PLPPR5: variants seen among roughly 807,000 people sequenced by gnomAD.
PLPPR5 encodes the protein phospholipid phosphatase-related protein type 5.
PLPPR5 carries 16 observed loss-of-function variants against 33.9 expected under a neutral mutation model. That is an observed-to-expected ratio of 0.47 (90% CI 0.32 to 0.72). The LOEUF is 0.72. Among genes scored for constraint, PLPPR5 ranks in the 30% least tolerant of loss-of-function variants. The pLI is 0.03. For missense variants in PLPPR5, 301 were observed against 406.7 expected (o/e 0.74, Z 2.23); for synonymous variants, 163 against 150.3 (o/e 1.08, Z -0.62).
chr1:99,003,319 C>T (rs1358645904), intron 1 of PLPPR5, among the ~76,000 whole-genome samples: 1 of 151,534 alleles, frequency 6.6e-6, no homozygotes, highest in South Asian at 2.1e-4. Context: ...AACATCCAAA[C>T]TTAATGGATT....
At chr1:98,999,442 G>C (rs1652747741) in intron 1 of PLPPR5, among the ~76,000 whole-genome samples, 1 of 152,212 alleles carries the variant, frequency 6.6e-6, no homozygotes, top group Non-Finnish European at 1.5e-5. Flanking sequence ...TCCAGAGTCT[G>C]TGATCTTAAC....
At chr1:98,912,034 G>A (rs1000591437) in intron 5 of PLPPR5, among the ~76,000 whole-genome samples, 2 of 152,118 alleles carry the variant, frequency 1.3e-5, no homozygotes, top group East Asian at 1.9e-4. Context: ...CTCCCAAAGC[G>A]CTGGGATTAC....
intron 3 of PLPPR5, among the ~76,000 whole-genome samples, chr1:98,951,654 C>T (rs1401881610): frequency 2.6e-5 from 4 of 152,146 alleles, no homozygotes; most frequent in Non-Finnish European, 2.9e-5. Flanking sequence ...GTAAATGTTA[C>T]GTGTAATGCT....
chr1:98,978,151 C>A (rs902159476), intron 1 of PLPPR5, among the ~76,000 whole-genome samples: 28 of 151,976 alleles, frequency 1.8e-4, no homozygotes, highest in African/African-American at 6.3e-4. Flanking sequence ...TTGACTCTAT[C>A]TTTGTATCAC....
intron 3 of PLPPR5, among the ~76,000 whole-genome samples, chr1:98,951,015 T>C (rs1168744273): frequency 3.3e-5 from 5 of 152,162 alleles, no homozygotes; most frequent in Non-Finnish European, 2.9e-5. Flanking sequence ...GAATCTAATG[T>C]CTATTAGTAT....
intron 1 of PLPPR5, among the ~76,000 whole-genome samples, chr1:98,998,218 C>A (rs1266014346): frequency 6.6e-6 from 1 of 152,162 alleles, no homozygotes; most frequent in Non-Finnish European, 1.5e-5. Flanking sequence ...GAAGGAGTCA[C>A]TGCACCCCCA....
chr1:98,923,841 G>A (rs1170121821), intron 3 of PLPPR5, among the ~76,000 whole-genome samples: 1 of 152,224 alleles, frequency 6.6e-6, no homozygotes, highest in East Asian at 1.9e-4. Context: ...CTGAGAGAAT[G>A]TGTTAAAGAG....
chr1:98,990,089 A>C (rs930879495), intron 1 of PLPPR5, among the ~76,000 whole-genome samples: 1 of 152,168 alleles, frequency 6.6e-6, no homozygotes, highest in Non-Finnish European at 1.5e-5. Context: ...TTGATAAAGA[A>C]AGAGCAGGCC....
chr1:98,951,847 T>C (rs112272509), intron 3 of PLPPR5, among the ~76,000 whole-genome samples: 2,356 of 152,304 alleles, frequency 0.015, 18 homozygotes, highest in African/African-American at 0.018. Context: ...TCCAAGTCAT[T>C]AGAAATAATC....
intron 1 of PLPPR5, among the ~76,000 whole-genome samples, chr1:98,999,617 G>A (rs1652752624): frequency 6.6e-6 from 1 of 152,206 alleles, no homozygotes; most frequent in South Asian, 2.1e-4. Context: ...CCACACCACG[G>A]GAATGTTCCA....
rs140005297 is a variant in PLPPR5, at chr1:98,914,687, A to T, written c.933+99T>A. 518 of 1,092,248 alleles carry T rather than the reference A, an allele frequency of 4.7e-4. 2 individuals are homozygous for T. In the African/African-American group the frequency reaches 6.6e-3, roughly 14 times the overall value. 67.7% of individuals were successfully genotyped at this position (1,092,248 alleles called of 1,614,324 possible). A position where few individuals can be genotyped will look rare whatever the true frequency, so the allele number is the denominator to read the frequency against. On this transcript the variant is annotated intron_variant, in intron 5 of 5. Coordinates refer to ENST00000263177, the MANE Select transcript of PLPPR5 (RefSeq NM_001037317.2). ...GCTAAATATCACATTACACTAAGTA[A>T]ATCAACATAAACTGTGTGGACATGC... is the stretch of plus-strand genomic sequence containing the variant.
At chr1:99,001,679 T>TATATATATATAG in intron 1 of PLPPR5, among the ~76,000 whole-genome samples, 1 of 140,616 alleles carries the variant, frequency 7.1e-6, no homozygotes, top group Non-Finnish European at 1.5e-5. Flanking sequence ...AAGATATATA[T>TATATATATATAG]ATATATATAT....
chr1:98,937,339 G>T (rs934678919), intron 3 of PLPPR5, among the ~76,000 whole-genome samples: 1 of 152,104 alleles, frequency 6.6e-6, no homozygotes, highest in African/African-American at 2.4e-5. Flanking sequence ...TTGCATTCTT[G>T]AATCTTCCCT....
chr1:98,968,039 C>G (rs929255951), intron 1 of PLPPR5, among the ~76,000 whole-genome samples: 21 of 152,044 alleles, frequency 1.4e-4, no homozygotes, highest in African/African-American at 4.8e-4. Flanking sequence ...TCACAAGCTA[C>G]GAGCATTCTT....
chr1:98,956,774 G>T (rs775305346), intron 1 of PLPPR5, 33 bp from the exon 2 acceptor site: 2 of 1,471,150 alleles, frequency 1.4e-6, no homozygotes, highest in South Asian at 2.7e-5. Context: ...AGGAATATTA[G>T]AATTTAACCA....
intron 3 of PLPPR5, among the ~76,000 whole-genome samples, chr1:98,935,637 G>C (rs1338696659): frequency 6.6e-6 from 1 of 152,164 alleles, no homozygotes; most frequent in East Asian, 1.9e-4. Flanking sequence ...GGGTGTCACT[G>C]TAAGTAAGTT....
At chr1:98,952,452 G>A (rs1192629512) in intron 3 of PLPPR5, among the ~76,000 whole-genome samples, 1 of 152,028 alleles carries the variant, frequency 6.6e-6, no homozygotes, top group Non-Finnish European at 1.5e-5. Flanking sequence ...CTGCATATGG[G>A]TAATGCACTC....
intron 1 of PLPPR5, among the ~76,000 whole-genome samples, chr1:98,997,160 C>T (rs1361456320): frequency 2.6e-5 from 4 of 152,224 alleles, no homozygotes; most frequent in Non-Finnish European, 2.9e-5. Context: ...AACAAACTAG[C>T]TATCACTTAT....
chr1:98,980,182 G>A (rs1193397342), intron 1 of PLPPR5, among the ~76,000 whole-genome samples: 2 of 151,948 alleles, frequency 1.3e-5, no homozygotes, highest in African/African-American at 4.8e-5. Context: ...CTATGCCCAG[G>A]TTTTGTGGCT....
Sources: gnomAD v4.1 joint callset for allele counts (sites outside exome capture counted in the v4.1 genomes callset) on GRCh38, gnomAD v4.1.1 for gene constraint, MANE v1.5 for transcripts, NCBI Gene and HGNC (gene_info 2026-07-23, HGNC 2026-07-21) for gene names.